Variants in PDZRN3 observed in about 807,000 individuals in gnomAD.
The protein encoded by PDZRN3 is E3 ubiquitin-protein ligase PDZRN3.
Under a neutral mutation model 85.7 loss-of-function variants are expected in PDZRN3, and 38 were observed. The ratio of observed to expected loss-of-function variants is 0.44; its 90% confidence interval spans 0.34 to 0.58. PDZRN3 has a LOEUF of 0.58. PDZRN3 is among the 20% of genes least tolerant of loss of function. PDZRN3 has a pLI of 0.01. For synonymous variants in PDZRN3, 759 were observed against 638.0 expected, an observed-to-expected ratio of 1.19 and a Z score of -2.86; for missense variants, 1,629 against 1,506.4, an observed-to-expected ratio of 1.08 and a Z score of -1.35.
chr3:73,602,293 A>T (rs1702526447), intron 3 of PDZRN3, 61 bp downstream of exon 3: 3 of 904,054 alleles, frequency 3.3e-6, no homozygotes, highest in Non-Finnish European at 5.5e-6. Flanking sequence ...TCTTGCTTTG[A>T]GCTAGACGAA....
chr3:73,623,269 T>C (rs4398370), intron 1 of PDZRN3, among the ~76,000 whole-genome samples: 105,172 of 152,118 alleles, frequency 0.69, 36,607 homozygotes, highest in African/African-American at 0.76. Context: ...AACTGAGGGA[T>C]CTGGGAATTA....
At chr3:73,543,324 C>A (rs1262653180) in intron 3 of PDZRN3, among the ~76,000 whole-genome samples, 1 of 152,170 alleles carries the variant, frequency 6.6e-6, no homozygotes, top group Non-Finnish European at 1.5e-5. Context: ...TTTAACTGGC[C>A]CATCACCTCC....
intron 3 of PDZRN3, among the ~76,000 whole-genome samples, chr3:73,498,923 A>G (rs1302023237): frequency 2.6e-5 from 4 of 152,118 alleles, no homozygotes; most frequent in African/African-American, 9.7e-5. Flanking sequence ...ATAGACCCAG[A>G]TGCTGGCTGT....
chr3:73,500,166 C>T (rs1223773687), intron 3 of PDZRN3, among the ~76,000 whole-genome samples: 4 of 151,942 alleles, frequency 2.6e-5, no homozygotes, highest in East Asian at 1.9e-4. Context: ...AGTGATCCTC[C>T]GCCTCCCAAG....
intron 8 of PDZRN3, among the ~76,000 whole-genome samples, chr3:73,387,462 A>C (rs1334470897): frequency 6.6e-6 from 1 of 152,146 alleles, no homozygotes; most frequent in Non-Finnish European, 1.5e-5. Context: ...ATCTCTGGGA[A>C]CTTCCATCTC....
chr3:73,426,891 G>A (rs1381415627), intron 3 of PDZRN3, among the ~76,000 whole-genome samples: 1 of 152,156 alleles, frequency 6.6e-6, no homozygotes, highest in Non-Finnish European at 1.5e-5. Flanking sequence ...GAAACTTCCA[G>A]AGACTCTTCC....
At chr3:73,537,832 G>A (rs1292913927) in intron 3 of PDZRN3, among the ~76,000 whole-genome samples, 2 of 151,030 alleles carry the variant, frequency 1.3e-5, no homozygotes, top group African/African-American at 4.9e-5. Flanking sequence ...CACTGTGTCG[G>A]CCAGGCTGGT....
At chr3:73,416,196 C>T (rs900711966) in intron 3 of PDZRN3, among the ~76,000 whole-genome samples, 2 of 151,930 alleles carry the variant, frequency 1.3e-5, no homozygotes, top group African/African-American at 2.4e-5. Flanking sequence ...CCACCGTAAG[C>T]GCTCCAGAAA....
At chr3:73,498,057 T>C (rs945603452) in intron 3 of PDZRN3, among the ~76,000 whole-genome samples, 1 of 152,188 alleles carries the variant, frequency 6.6e-6, no homozygotes, top group African/African-American at 2.4e-5. Flanking sequence ...ATATCTGAAG[T>C]TCCGCCAGAG....
At chr3:73,407,270 G>A (rs143109246) in intron 3 of PDZRN3, among the ~76,000 whole-genome samples, 1 of 152,272 alleles carries the variant, frequency 6.6e-6, no homozygotes, top group East Asian at 1.9e-4. Context: ...TGCTTTCTTG[G>A]ACTTGTGGCA....
At chr3:73,525,271 T>C (rs1478536720) in intron 3 of PDZRN3, among the ~76,000 whole-genome samples, 1 of 152,128 alleles carries the variant, frequency 6.6e-6, no homozygotes, top group African/African-American at 2.4e-5. Flanking sequence ...AGTTATAATT[T>C]TGTTAAGTCA....
intron 3 of PDZRN3, among the ~76,000 whole-genome samples, chr3:73,510,025 G>C (rs540756410): frequency 6.6e-5 from 10 of 152,188 alleles, no homozygotes; most frequent in Non-Finnish European, 1.3e-4. Flanking sequence ...TTCATCTGTC[G>C]TACACTGGAG....
At chr3:73,608,897 C>T (rs949968200) in intron 1 of PDZRN3, among the ~76,000 whole-genome samples, 3 of 152,176 alleles carry the variant, frequency 2.0e-5, no homozygotes, top group Middle Eastern at 3.2e-3. Flanking sequence ...TACCATCTAA[C>T]CCTGGAATGA....
rs1009237306 is a variant in PDZRN3 at position 73,624,349 on chromosome 3, G to A, written c.477C>T (p.Gly159=). 13 of 1,301,238 alleles carry A rather than the reference G, an allele frequency of 1.0e-5. No individual in the cohort carries two copies. The highest frequency in any genetic ancestry group is 1.6e-5 in the African/African-American group (1 of 64,146). The allele number at this position is 1,301,238 out of a possible 1,614,324, so 80.6% of individuals were successfully genotyped here. A position where few individuals can be genotyped will look rare whatever the true frequency, so the allele number is the denominator to read the frequency against. The change falls in exon 1 of 10, where the codon GGC becomes GGT. Residue 159 remains glycine (G), a synonymous_variant. Transcript: ENST00000263666. ...PLTHGEQRAG[G]HCCARALRAH... The stretch of plus-strand genomic sequence containing the variant: ...CCCGCAGCGCTCGCGCGCAGCAGTG[G>A]CCGCCCGCGCGCTGCTCGCCGTGCG...
At chr3:73,425,827 G>C (rs1702302546) in intron 3 of PDZRN3, among the ~76,000 whole-genome samples, 1 of 152,158 alleles carries the variant, frequency 6.6e-6, no homozygotes, top group Non-Finnish European at 1.5e-5. Context: ...GCTGTAACCT[G>C]AAAGCCCCCC....
chr3:73,560,016 T>C (rs1005985947), intron 3 of PDZRN3, among the ~76,000 whole-genome samples: 4 of 152,210 alleles, frequency 2.6e-5, no homozygotes, highest in Non-Finnish European at 5.9e-5. Flanking sequence ...ATGATGTAAT[T>C]AGCATGGGTT....
At chr3:73,623,110 C>A (rs759457013) in intron 1 of PDZRN3, among the ~76,000 whole-genome samples, 13 of 152,180 alleles carry the variant, frequency 8.5e-5, no homozygotes, top group Non-Finnish European at 1.9e-4. Flanking sequence ...AGTAAACCCT[C>A]GCTCAAGGGG....
chr3:73,580,519 T>C (rs1702184933), intron 3 of PDZRN3, among the ~76,000 whole-genome samples: 1 of 152,230 alleles, frequency 6.6e-6, no homozygotes, highest in African/African-American at 2.4e-5. Flanking sequence ...CTTTGCATTA[T>C]GCCTTACTCA....
At position 73,383,995 on chromosome 3, in the gene PDZRN3, G is replaced by A. The variant is rs530854246; in HGVS notation, c.2571C>T (p.Ser857=). 7.5e-6 allele frequency: 12 copies of A among 1,589,524 alleles called. No individual in the cohort carries two copies. Among genetic ancestry groups the A allele is most frequent in the South Asian group, 3.4e-5 (3 of 87,146 alleles). Residue 857 remains serine, a synonymous_variant, in exon 10 of 10, where the codon AGC becomes AGT. Transcript: ENST00000263666. ...AGTGGTGATAGGAGGGCAGGTAGGC[G>A]CTGCCCAGCTTCTGGCTGGGCGTGG... ...RSPTPSQKLG[S]AYLPSYHHSP...
Sources: allele counts gnomAD v4.1 joint callset (sites outside exome capture counted in the v4.1 genomes callset), GRCh38; gene constraint gnomAD v4.1.1; transcripts MANE v1.5; gene names NCBI Gene and HGNC (gene_info 2026-07-23, HGNC 2026-07-21).